The following TSHZ2 variants were observed in gnomAD, a reference collection of about 807,000 sequenced individuals.
The protein encoded by TSHZ2 is teashirt homolog 2.
TSHZ2 carries 21 observed loss-of-function variants against 74.4 expected under a neutral mutation model. The ratio of observed to expected loss-of-function variants is 0.28; its 90% confidence interval spans 0.20 to 0.41. The LOEUF is 0.41. TSHZ2 is among the 10% of genes least tolerant of loss of function. TSHZ2 has a pLI of 1.00. For missense variants in TSHZ2, 1,244 were observed against 1,293.5 expected, an observed-to-expected ratio of 0.96 and a Z score of 0.59; for synonymous variants, 540 against 515.3, an observed-to-expected ratio of 1.05 and a Z score of -0.65.
At chr20:53,441,642 G>A (rs1214989899) in intron 2 of TSHZ2, among the ~76,000 whole-genome samples, 1 of 151,736 alleles carries the variant, frequency 6.6e-6, no homozygotes, top group African/African-American at 2.4e-5. Flanking sequence ...GAGTGTAGTA[G>A]TGCGATCTCA....
intron 1 of TSHZ2, among the ~76,000 whole-genome samples, chr20:53,239,060 G>C (rs1304525721): frequency 6.6e-6 from 1 of 152,102 alleles, no homozygotes; most frequent in Non-Finnish European, 1.5e-5. Flanking sequence ...ATAAAGCAAT[G>C]AACCAGACAG....
At chr20:53,307,563 C>G (rs1292920814) in intron 2 of TSHZ2, among the ~76,000 whole-genome samples, 1 of 152,196 alleles carries the variant, frequency 6.6e-6, no homozygotes, top group African/African-American at 2.4e-5. Flanking sequence ...TTGCAACATA[C>G]TGAAGCCAGC....
At chr20:53,394,548 C>T (rs1982373179) in intron 2 of TSHZ2, among the ~76,000 whole-genome samples, 1 of 151,906 alleles carries the variant, frequency 6.6e-6, no homozygotes, top group Non-Finnish European at 1.5e-5. Context: ...TGAACTAGAC[C>T]CATCCAGTCC....
chr20:53,106,564 C>G (rs1207239045), intron 1 of TSHZ2, among the ~76,000 whole-genome samples: 1 of 151,008 alleles, frequency 6.6e-6, no homozygotes, highest in African/African-American at 2.4e-5. Flanking sequence ...GCCACCATGC[C>G]CAGCTAATTT....
chr20:53,425,170 C>G (rs1568911817), intron 2 of TSHZ2, among the ~76,000 whole-genome samples: 1 of 152,192 alleles, frequency 6.6e-6, no homozygotes, highest in South Asian at 2.1e-4. Flanking sequence ...CACCCTCTTT[C>G]TATCCCTGCA....
intron 1 of TSHZ2, among the ~76,000 whole-genome samples, chr20:52,991,735 G>A (rs56914733): frequency 1.4e-5 from 2 of 145,464 alleles, no homozygotes; most frequent in African/African-American, 2.5e-5. Context: ...GGGGCAGAGA[G>A]TGTGAAAAGC....
At chr20:53,300,300 A>G (rs901301571) in intron 2 of TSHZ2, among the ~76,000 whole-genome samples, 5 of 152,344 alleles carry the variant, frequency 3.3e-5, no homozygotes, top group African/African-American at 1.2e-4. Context: ...CAGATTCAGG[A>G]TCTGCAAGAT....
intron 1 of TSHZ2, among the ~76,000 whole-genome samples, chr20:52,999,269 TC>T (rs1314023222): frequency 6.6e-6 from 1 of 152,142 alleles, no homozygotes; most frequent in East Asian, 1.9e-4. Flanking sequence ...CAAGCACTGT[TC>T]TGTAGCAGCA....
chr20:53,321,610 G>C (rs1297814312), intron 2 of TSHZ2, among the ~76,000 whole-genome samples: 6 of 148,924 alleles, frequency 4.0e-5, no homozygotes, highest in Non-Finnish European at 8.9e-5. Flanking sequence ...CTTGAACCCG[G>C]GAGGCGGAGG....
At chr20:53,264,910 G>A (rs940719486) in intron 2 of TSHZ2, among the ~76,000 whole-genome samples, 2 of 152,208 alleles carry the variant, frequency 1.3e-5, no homozygotes, top group African/African-American at 2.4e-5. Flanking sequence ...AGGGAACTCA[G>A]GGAAGGCCTC....
chr20:53,437,262 C>T (rs1008780084), intron 2 of TSHZ2, among the ~76,000 whole-genome samples: 20 of 152,126 alleles, frequency 1.3e-4, no homozygotes, highest in African/African-American at 4.1e-4. Flanking sequence ...CACTTGAGGT[C>T]AGGAGTTCAA....
chr20:53,198,083 T>C (rs1460948869), intron 1 of TSHZ2: 4 of 151,976 alleles, frequency 2.6e-5, no homozygotes, highest in African/African-American at 9.7e-5. Context: ...GAAAAAAAAA[T>C]AGGAGTCTTC....
At chr20:52,973,576 C>T (rs752828602) in intron 1 of TSHZ2, among the ~76,000 whole-genome samples, 1 of 152,198 alleles carries the variant, frequency 6.6e-6, no homozygotes, top group Non-Finnish European at 1.5e-5. Context: ...TTTCTTTCCT[C>T]CACCCTCTAC....
At chr20:53,016,644 A>C (rs1983050165) in intron 1 of TSHZ2, among the ~76,000 whole-genome samples, 1 of 152,178 alleles carries the variant, frequency 6.6e-6, no homozygotes, top group African/African-American at 2.4e-5. Context: ...AGAAATGGAA[A>C]TCAAATAAGT....
At chr20:53,169,890 G>A (rs1363698121) in intron 1 of TSHZ2, among the ~76,000 whole-genome samples, 3 of 152,010 alleles carry the variant, frequency 2.0e-5, no homozygotes, top group Non-Finnish European at 4.4e-5. Flanking sequence ...ACCAATGTAT[G>A]GTATGTATAC....
intron 1 of TSHZ2, among the ~76,000 whole-genome samples, chr20:53,060,026 T>C (rs898424426): frequency 5.3e-5 from 8 of 152,178 alleles, no homozygotes; most frequent in African/African-American, 1.9e-4. Flanking sequence ...GTGTGTAATT[T>C]TACTAGTGAG....
At chr20:53,339,725 A>G (rs929012158) in intron 2 of TSHZ2, among the ~76,000 whole-genome samples, 5 of 152,166 alleles carry the variant, frequency 3.3e-5, no homozygotes, top group Admixed American at 6.5e-5. Flanking sequence ...CCTCTCAGCC[A>G]CTGTGCTGCC....
chr20:53,394,977 G>A lies in TSHZ2; in HGVS notation c.*9-92167G>A, dbSNP rs145680835. Among the ~76,000 whole-genome samples, 86 of 150,696 alleles carry A rather than the reference G, an allele frequency of 5.7e-4. 1 individual carries two copies. The highest frequency in any genetic ancestry group is 2.1e-3 in the African/African-American group (84 of 40,946). ...CTCCTTCTTGCCTTCCCATGTCTCT[G>A]CTCTTTCTTGGATTTAAACAACAAA... On this transcript the variant is annotated intron_variant, in intron 2 of 2. Transcript: ENST00000371497.
chr20:53,174,935 C>T (rs1988291553), intron 1 of TSHZ2, among the ~76,000 whole-genome samples: 1 of 151,776 alleles, frequency 6.6e-6, no homozygotes, highest in East Asian at 1.9e-4. Context: ...ATTGCAGGAC[C>T]CCATTTCTGA....
Sources: gnomAD v4.1 joint callset for allele counts (sites outside exome capture counted in the v4.1 genomes callset) on GRCh38, gnomAD v4.1.1 for gene constraint, MANE v1.5 for transcripts, NCBI Gene and HGNC (gene_info 2026-07-23, HGNC 2026-07-21) for gene names.